LGR4: variants seen among roughly 807,000 people sequenced by gnomAD.
LGR4 encodes leucine rich repeat containing G protein-coupled receptor 4.
Under a neutral mutation model 84.8 loss-of-function variants are expected in LGR4, and 44 were observed. The ratio of observed to expected loss-of-function variants is 0.52; its 90% CI spans 0.41 to 0.67. The LOEUF (loss-of-function observed/expected upper bound fraction) is 0.67. Ranked by LOEUF, LGR4 falls within the 30% of genes least tolerant of loss-of-function variation. The probability of loss-of-function intolerance (pLI) is 0.00; values close to 1 mark genes in which losing one functional copy is unlikely to be tolerated. For missense variants in LGR4, 1,032 were observed against 1,131.4 expected (o/e 0.91, Z 1.26); for synonymous variants, 429 against 434.3 (o/e 0.99, Z 0.15).
intron 1 of LGR4, among the ~76,000 whole-genome samples, chr11:27,417,356 C>T (rs1863840385): frequency 6.6e-6 from 1 of 152,072 alleles, no homozygotes; most frequent in African/African-American, 2.4e-5. Context: ...AAAAAACTCT[C>T]CCAATGACTT....
At position 27,384,418 on chromosome 11, in the gene LGR4, A is replaced by G; in HGVS notation, c.618-11T>C. ...TTGTTATGAAGATGCCTAAGGGGGA[A>G]AAAAAGCATAAAATGACTTTTCCAT... is the stretch of plus-strand genomic sequence containing the variant. On this transcript the variant is annotated splice_polypyrimidine_tract_variant and intron_variant, in intron 5 of 17. Transcript: ENST00000379214. 1 of 1,584,412 alleles carries G rather than the reference A, an allele frequency of 6.3e-7. No individual in the cohort carries two copies. The highest frequency in any genetic ancestry group is 8.7e-7 in the Non-Finnish European group (1 of 1,155,894).
At chr11:27,440,306 C>A (rs1161170966) in intron 1 of LGR4, among the ~76,000 whole-genome samples, 1 of 152,114 alleles carries the variant, frequency 6.6e-6, no homozygotes, top group Non-Finnish European at 1.5e-5. Context: ...AGCAGATGGA[C>A]CCTTCTCCAA....
In LGR4 at chr11:27,472,246, G is replaced by C; in HGVS notation, c.57C>G (p.Ala19=). Residue 19 remains alanine, a synonymous_variant, in exon 1 of 18, where the codon GCC becomes GCG. Transcript: ENST00000379214. ...CFLALGLLGS[A]GPSGAAPPLC... ...GAGGCGGCGCCGCGCCGCTGGGCCCGGCCGAGCCGAGCAGCCCCAGGGCGA... is the reference window on the plus strand; with the variant it reads ...GAGGCGGCGCCGCGCCGCTGGGCCCCGCCGAGCCGAGCAGCCCCAGGGCGA... 1.5e-6 allele frequency: 2 copies of C among 1,322,604 alleles called. No individual in the cohort carries two copies. Among genetic ancestry groups the C allele is most frequent in the Non-Finnish European group, 1.9e-6 (2 of 1,041,816 alleles). The allele number at this position is 1,322,604 out of a possible 1,614,324, so 81.9% of individuals were successfully genotyped here.
chr11:27,395,616 G>C (rs185218763), intron 2 of LGR4, among the ~76,000 whole-genome samples: 1 of 152,270 alleles, frequency 6.6e-6, no homozygotes, highest in East Asian at 1.9e-4. Context: ...ACAAGCCAAC[G>C]ATCTGGAGAA....
intron 1 of LGR4, among the ~76,000 whole-genome samples, chr11:27,457,387 C>A (rs1295075328): frequency 1.3e-5 from 2 of 152,170 alleles, no homozygotes; most frequent in Non-Finnish European, 2.9e-5. Flanking sequence ...GGGATTACAG[C>A]AACTGCTAGG....
At position 27,399,615 on chromosome 11, in the gene LGR4, G is replaced by T. The variant is rs556717345; in HGVS notation, c.258-7097C>A. On this transcript the variant is annotated intron_variant, in intron 2 of 17. Coordinates refer to ENST00000379214, the MANE Select transcript of LGR4 (RefSeq NM_018490.5). ...GCTCACTGCAACCTCAGCCTCCTGGGTTCAAGCAATTCTCCTGCCTCAGCC... is the reference window on the plus strand; with the variant it reads ...GCTCACTGCAACCTCAGCCTCCTGGTTTCAAGCAATTCTCCTGCCTCAGCC... Among the ~76,000 whole-genome samples, 331 of 151,958 alleles carry T rather than the reference G, an allele frequency of 2.2e-3. 3 individuals carry two copies. The highest frequency in any genetic ancestry group is 0.017 in the Admixed American group (259 of 15,274).
chr11:27,423,719 C>G (rs1180844820), intron 1 of LGR4, among the ~76,000 whole-genome samples: 1 of 152,210 alleles, frequency 6.6e-6, no homozygotes, highest in East Asian at 1.9e-4. Context: ...TGTCCTGAAT[C>G]TTGGGGAGCA....
rs550632546 is a variant in LGR4 at position 27,420,912 on chromosome 11, C to A, written c.186-8052G>T. On this transcript the variant is annotated intron_variant, in intron 1 of 17. Coordinates refer to ENST00000379214, the MANE Select transcript of LGR4 (RefSeq NM_018490.5). The stretch of plus-strand genomic sequence containing the variant: ...AGCAGTATGGTCCAAAAAGATAAGA[C>A]CACCAAGGAATTTGATCATTATAGG... Among the ~76,000 whole-genome samples the A allele has an allele frequency of 2.0e-5, 3 of 152,186 alleles. No individual in the cohort carries two copies. The South Asian group carries it at 6.2e-4, about 32-fold the overall frequency.
intron 1 of LGR4, among the ~76,000 whole-genome samples, chr11:27,442,014 G>C (rs1012510522): frequency 3.9e-5 from 6 of 152,196 alleles, no homozygotes; most frequent in African/African-American, 9.7e-5. Flanking sequence ...TGACCTATGG[G>C]CAACAATGAG....
rs370247026 is a variant in LGR4 at position 27,421,587 on chromosome 11, C to CA, written c.186-8728dup. Among the ~76,000 whole-genome samples, 505 of 152,160 alleles carry CA rather than the reference C, an allele frequency of 3.3e-3. 5 individuals carry two copies. Among genetic ancestry groups the CA allele is most frequent in the African/African-American group, 0.011 (466 of 41,524 alleles). ...ATAAAACACTGGTGTGTAAATATCA[C>CA]AACACAACAAAAGGTATGTGTGGCT... On this transcript the variant is annotated intron_variant, in intron 1 of 17. Coordinates refer to ENST00000379214, the MANE Select transcript of LGR4 (RefSeq NM_018490.5).
At chr11:27,382,310 A>G in intron 6 of LGR4, 54 bp from the exon 7 acceptor site, 1 of 1,169,940 alleles carries the variant, frequency 8.5e-7, no homozygotes, top group Admixed American at 1.7e-5. Context: ...GTCATAATTC[A>G]TAAGGCATTT....
chr11:27,469,823 AGACTG>A, intron 1 of LGR4, among the ~76,000 whole-genome samples: 1 of 152,316 alleles, frequency 6.6e-6, no homozygotes, highest in South Asian at 2.1e-4. Flanking sequence ...ATGGGAGAGC[AGACTG>A]GAAGTACTTG....
At chr11:27,374,450 G>C (rs1862939376) in intron 13 of LGR4, among the ~76,000 whole-genome samples, 1 of 152,096 alleles carries the variant, frequency 6.6e-6, no homozygotes, top group African/African-American at 2.4e-5. Context: ...TTAGTGATAA[G>C]GCCCCGAGAG....
chr11:27,371,725 A>C, intron 16 of LGR4, 27 bp from the exon 17 acceptor site: 1 of 1,533,038 alleles, frequency 6.5e-7, no homozygotes, highest in Middle Eastern at 2.0e-4. Context: ...AAGCATGTTT[A>C]ATTAAAACCT....
At chr11:27,385,585 A>C in intron 4 of LGR4, 117 bp from the exon 5 acceptor site, 1 of 630,676 alleles carries the variant, frequency 1.6e-6, no homozygotes, top group Non-Finnish European at 2.7e-6. Flanking sequence ...ATCATCTTTA[A>C]TTTTACTAGA....
chr11:27,465,124 T>C (rs1807169355), intron 1 of LGR4, among the ~76,000 whole-genome samples: 1 of 152,376 alleles, frequency 6.6e-6, no homozygotes, highest in Non-Finnish European at 1.5e-5. Flanking sequence ...TACCCAATCT[T>C]GGCCCAGCTG....
At chr11:27,403,941 GAACAGGGGAA>G (rs1212586203) in intron 2 of LGR4, among the ~76,000 whole-genome samples, 2 of 152,044 alleles carry the variant, frequency 1.3e-5, no homozygotes, top group East Asian at 3.9e-4. Context: ...AACAGGTAGT[GAACAGGGGAA>G]AATGATGAAC....
intron 1 of LGR4, among the ~76,000 whole-genome samples, chr11:27,458,993 CTT>C (rs963211099): frequency 7.9e-5 from 12 of 152,028 alleles, no homozygotes; most frequent in Admixed American, 1.3e-4. Flanking sequence ...AAAACAGAAA[CTT>C]TTAAAAATTT....
chr11:27,372,201 C>A, intron 16 of LGR4, 82 bp downstream of exon 16: 1 of 862,886 alleles, frequency 1.2e-6, no homozygotes, highest in South Asian at 1.4e-5. Context: ...TCCTATTGAT[C>A]ATTCACAAAG....
Sources: gnomAD v4.1 joint callset for allele counts (sites outside exome capture counted in the v4.1 genomes callset) on GRCh38, gnomAD v4.1.1 for gene constraint, MANE v1.5 for transcripts, NCBI Gene and HGNC (gene_info 2026-07-23, HGNC 2026-07-21) for gene names.